Variants in KHDRBS2 observed in about 807,000 individuals in gnomAD.
The protein encoded by KHDRBS2 is KH RNA binding domain containing, signal transduction associated 2.
Under a neutral mutation model 44.3 loss-of-function variants are expected in KHDRBS2, and 26 were observed. That is an observed-to-expected ratio of 0.59 (90% CI 0.43 to 0.81). The LOEUF (loss-of-function observed/expected upper bound fraction) is 0.81. KHDRBS2 is among the 40% of genes least tolerant of loss of function. The pLI is 0.00. For synonymous variants in KHDRBS2, 194 were observed against 151.1 expected (o/e 1.28, Z -2.08); for missense variants, 476 against 433.1 (o/e 1.10, Z -0.88).
At chr6:61,752,940 G>A (rs1270825005) in intron 6 of KHDRBS2, among the ~76,000 whole-genome samples, 3 of 152,076 alleles carry the variant, frequency 2.0e-5, no homozygotes, top group Admixed American at 2.0e-4. Flanking sequence ...TGGATTAATA[G>A]AATAATAATA....
intron 4 of KHDRBS2, among the ~76,000 whole-genome samples, chr6:61,915,864 T>C (rs1264056549): frequency 6.6e-6 from 1 of 151,966 alleles, no homozygotes; most frequent in African/African-American, 2.4e-5. Flanking sequence ...AACACCTCAA[T>C]TTTACTCAGG....
intron 1 of KHDRBS2, among the ~76,000 whole-genome samples, 171 bp downstream of exon 1, chr6:62,285,687 T>C (rs1057428993): frequency 1.3e-5 from 2 of 152,192 alleles, no homozygotes; most frequent in African/African-American, 4.8e-5. Flanking sequence ...AGCACTGCTG[T>C]CCGCCCCAAG....
chr6:62,139,912 G>A (rs1251851685), intron 2 of KHDRBS2, among the ~76,000 whole-genome samples: 1 of 139,482 alleles, frequency 7.2e-6, no homozygotes, highest in Non-Finnish European at 1.6e-5. Context: ...GCCAATGCCA[G>A]TTCCACCTTT....
rs561630133 is a variant in KHDRBS2 at position 61,781,800 on chromosome 6, C to T, written c.811-49036G>A. Among the ~76,000 whole-genome samples the T allele has an allele frequency of 8.1e-4, 124 of 152,234 alleles. 1 individual carries two copies. The South Asian group carries it at 0.012, about 15-fold the overall frequency. On this transcript the variant is annotated intron_variant, in intron 6 of 8. Transcript: ENST00000281156. ...GAGGGTAGACGTTATCAATAAATCTCCAGGGAGATAGAGAAGAAACCTTTT... is the reference window on the plus strand; with the variant it reads ...GAGGGTAGACGTTATCAATAAATCTTCAGGGAGATAGAGAAGAAACCTTTT...
chr6:62,072,688 A>T (rs1217887194), intron 2 of KHDRBS2, among the ~76,000 whole-genome samples: 1 of 152,166 alleles, frequency 6.6e-6, no homozygotes, highest in African/African-American at 2.4e-5. Flanking sequence ...CCAGGGATGA[A>T]GTCCACTTGA....
intron 1 of KHDRBS2, among the ~76,000 whole-genome samples, chr6:62,206,523 C>T (rs756420224): frequency 3.9e-5 from 6 of 151,940 alleles, no homozygotes; most frequent in Non-Finnish European, 7.4e-5. Flanking sequence ...TTTCACTATT[C>T]TTTCATTTGT....
chr6:61,618,356 T>C, the KHDRBS2 span, among the ~76,000 whole-genome samples: 2 of 152,192 alleles, frequency 1.3e-5, no homozygotes, highest in Non-Finnish European at 2.9e-5. Context: ...CAATTTTAGA[T>C]TGATTATAAA....
At chr6:61,911,236 C>T (rs1562425004) in intron 4 of KHDRBS2, among the ~76,000 whole-genome samples, 1 of 152,108 alleles carries the variant, frequency 6.6e-6, no homozygotes, top group Non-Finnish European at 1.5e-5. Context: ...TGCATTTAAC[C>T]TGTTAGATGT....
intron 7 of KHDRBS2, among the ~76,000 whole-genome samples, chr6:61,701,585 G>A (rs1768676778): frequency 6.6e-6 from 1 of 151,950 alleles, no homozygotes; most frequent in Non-Finnish European, 1.5e-5. Flanking sequence ...TACGGCCATG[G>A]ATAAGTCCAT....
intron 4 of KHDRBS2, among the ~76,000 whole-genome samples, chr6:61,956,438 C>T (rs1767336645): frequency 6.6e-6 from 1 of 152,130 alleles, no homozygotes; most frequent in African/African-American, 2.4e-5. Context: ...TCATGAGACA[C>T]AGTTGTAGTG....
intron 6 of KHDRBS2, among the ~76,000 whole-genome samples, chr6:61,867,659 T>G (rs1316514736): frequency 6.6e-6 from 1 of 152,186 alleles, no homozygotes; most frequent in East Asian, 1.9e-4. Flanking sequence ...CTTGTTTTTG[T>G]GTTGTTTGTT....
At chr6:61,743,632 A>C (rs1271589372) in intron 6 of KHDRBS2, among the ~76,000 whole-genome samples, 1 of 151,930 alleles carries the variant, frequency 6.6e-6, no homozygotes, top group Non-Finnish European at 1.5e-5. Context: ...TTATTTTTTT[A>C]ATTTTATTAT....
chr6:62,079,892 C>A (rs1797068488), intron 2 of KHDRBS2, among the ~76,000 whole-genome samples: 1 of 151,934 alleles, frequency 6.6e-6, no homozygotes, highest in South Asian at 2.1e-4. Context: ...TACAATATAA[C>A]AGTTTAAAAA....
At chr6:62,067,907 T>TA (rs1248422793) in intron 2 of KHDRBS2, among the ~76,000 whole-genome samples, 1 of 151,616 alleles carries the variant, frequency 6.6e-6, no homozygotes, top group Non-Finnish European at 1.5e-5. Flanking sequence ...TATTTATTGC[T>TA]AAAAATATTC....
intron 4 of KHDRBS2, among the ~76,000 whole-genome samples, chr6:61,911,211 T>C (rs1158333464): frequency 6.6e-6 from 1 of 152,184 alleles, no homozygotes; most frequent in Non-Finnish European, 1.5e-5. Flanking sequence ...AAAATTTATA[T>C]ATTCAAGACA....
the KHDRBS2 span, among the ~76,000 whole-genome samples, chr6:61,589,052 C>T: frequency 6.6e-6 from 1 of 151,728 alleles, no homozygotes. Context: ...ACATCACACA[C>T]ACTAGGGCCT....
At chr6:61,580,480 T>G in the KHDRBS2 span, among the ~76,000 whole-genome samples, 1 of 152,186 alleles carries the variant, frequency 6.6e-6, no homozygotes, top group Middle Eastern at 3.4e-3. Context: ...GCTGTGGAAG[T>G]TTTGTTCTTT....
intron 6 of KHDRBS2, among the ~76,000 whole-genome samples, chr6:61,843,817 A>C (rs1205945377): frequency 1.3e-5 from 2 of 152,166 alleles, no homozygotes; most frequent in East Asian, 3.9e-4. Flanking sequence ...ACTATTGTGC[A>C]TTTTTATCAA....
chr6:61,637,236 A>G, the KHDRBS2 span, among the ~76,000 whole-genome samples: 1 of 139,686 alleles, frequency 7.2e-6, no homozygotes. Flanking sequence ...TCCTGTGGCC[A>G]TGTGTTCTCA....
Sources: gnomAD v4.1 joint callset for allele counts (sites outside exome capture counted in the v4.1 genomes callset) on GRCh38, gnomAD v4.1.1 for gene constraint, MANE v1.5 for transcripts, NCBI Gene and HGNC (gene_info 2026-07-23, HGNC 2026-07-21) for gene names.